DENND1B: variants seen among roughly 807,000 people sequenced by gnomAD.
DENND1B encodes the protein DENN domain containing 1B.
DENND1B carries 59 observed loss-of-function variants against 90.1 expected under a neutral mutation model. The observed-to-expected ratio is 0.65, with a 90% confidence interval of 0.53 to 0.81. The LOEUF is 0.81. Among genes scored for constraint, DENND1B ranks in the 40% least tolerant of loss-of-function variants. The pLI is 0.00. For synonymous variants in DENND1B, 337 were observed against 324.6 expected (o/e 1.04, Z -0.41); for missense variants, 862 against 912.6 (o/e 0.94, Z 0.71).
chr1:197,755,799 T>C (rs1654204204), intron 2 of DENND1B, among the ~76,000 whole-genome samples: 1 of 152,176 alleles, frequency 6.6e-6, no homozygotes, highest in Non-Finnish European at 1.5e-5. Flanking sequence ...AGCAAGCTTG[T>C]GCAGAGAACT....
chr1:197,526,234 G>A (rs989219258), intron 20 of DENND1B, among the ~76,000 whole-genome samples: 3 of 151,928 alleles, frequency 2.0e-5, no homozygotes, highest in Non-Finnish European at 4.4e-5. Flanking sequence ...AGAAAAGACT[G>A]GTTTTTCCTT....
chr1:197,634,992 G>A (rs540564522), intron 10 of DENND1B, among the ~76,000 whole-genome samples: 47 of 151,224 alleles, frequency 3.1e-4, no homozygotes, highest in Middle Eastern at 3.4e-3. Flanking sequence ...GCAACTCTGC[G>A]TGAAAAGGAA....
intron 3 of DENND1B, chr1:197,690,534 A>G: frequency 4.9e-6 from 1 of 205,396 alleles, no homozygotes; most frequent in East Asian, 1.4e-4. Context: ...TCATAATATG[A>G]GACAGACAGT....
intron 20 of DENND1B, among the ~76,000 whole-genome samples, chr1:197,529,240 A>G (rs1404727603): frequency 0.018 from 171 of 9,398 alleles, no homozygotes; most frequent in African/African-American, 0.035. Context: ...ATATATATAT[A>G]TATGTGTGTG....
rs370654267 is a variant in DENND1B at position 197,688,756 on chromosome 1, G to A, written c.127-14587C>T. ...ATGAAAACTACCCCTAAATCAAACC[G>A]AAAATGGGAAAGAAAAAGACTCATA... is the stretch of plus-strand genomic sequence containing the variant. On this transcript the variant is annotated intron_variant, in intron 3 of 22. Coordinates refer to ENST00000620048, the MANE Select transcript of DENND1B (RefSeq NM_001195215.2). 156 of 152,992 alleles carry A rather than the reference G, an allele frequency of 1.0e-3. 5 individuals are homozygous for A. In the South Asian group the frequency reaches 0.025, roughly 25 times the overall value. The allele number at this position is 152,992 out of a possible 1,614,324, so 9.5% of individuals were successfully genotyped here. A position where few individuals can be genotyped will look rare whatever the true frequency, so the allele number is the denominator to read the frequency against.
chr1:197,539,438 A>C (rs1233776625), intron 20 of DENND1B, among the ~76,000 whole-genome samples: 1 of 152,190 alleles, frequency 6.6e-6, no homozygotes, highest in African/African-American at 2.4e-5. Context: ...AACCAGGAAC[A>C]CTTATAGCTA....
At position 197,508,381 on chromosome 1, in the gene DENND1B, A is replaced by T. The variant is rs1452183317; in HGVS notation, c.*2079T>A. On this transcript the variant is annotated 3_prime_UTR_variant, in exon 23 of 23. Transcript: ENST00000620048. Reference sequence around the variant, plus strand: ...TCAGTAAAGTAAGTTGTAATTTTGTAATAAGCTTATAAAGGCAAAATTTGA... The same window carrying T: ...TCAGTAAAGTAAGTTGTAATTTTGTTATAAGCTTATAAAGGCAAAATTTGA... 1 of 151,740 alleles carries T rather than the reference A, an allele frequency of 6.6e-6. No individual in the cohort carries two copies. Among genetic ancestry groups the T allele is most frequent in the Non-Finnish European group, 1.5e-5 (1 of 67,812 alleles). The allele number at this position is 151,740 out of a possible 1,614,324, so 9.4% of individuals were successfully genotyped here.
intron 9 of DENND1B, among the ~76,000 whole-genome samples, chr1:197,644,480 G>A (rs187126014): frequency 3.3e-5 from 5 of 152,230 alleles, no homozygotes; most frequent in East Asian, 3.9e-4. Context: ...GAGAGTAGAC[G>A]GAAGCAAATT....
intron 5 of DENND1B, among the ~76,000 whole-genome samples, chr1:197,662,183 A>C (rs1311944442): frequency 3.3e-5 from 5 of 152,050 alleles, no homozygotes; most frequent in African/African-American, 4.8e-5. Flanking sequence ...GTCATCTCTA[A>C]GGCCCCAAAA....
intron 14 of DENND1B, among the ~76,000 whole-genome samples, chr1:197,588,369 T>C (rs986969208): frequency 2.6e-5 from 4 of 152,178 alleles, no homozygotes. Context: ...TAGAAAACTT[T>C]GTAAGAACAA....
intron 20 of DENND1B, among the ~76,000 whole-genome samples, chr1:197,529,222 ATATATATATATATATATATATGTGTGTG>A (rs1478986008): frequency 5.3e-5 from 1 of 18,820 alleles, no homozygotes; most frequent in African/African-American, 1.1e-4. Flanking sequence ...ATATATATAT[ATATATATATATATATATATATGTGTGTG>A]TGTGTGTGTG....
At position 197,540,948 on chromosome 1, in the gene DENND1B, A is replaced by G; in HGVS notation, c.1407+11T>C. The G allele has an allele frequency of 6.2e-7, 1 of 1,605,694 alleles. No individual in the cohort carries two copies. The highest frequency in any genetic ancestry group is 8.5e-7 in the Non-Finnish European group (1 of 1,176,362). ...ATCAAGGTAAAATGGAAAAAAATGA[A>G]TATGACATACCTTGTGTTTTAGTTT... is the stretch of plus-strand genomic sequence containing the variant. On this transcript the variant is annotated intron_variant, in intron 19 of 22. Transcript: ENST00000620048.
intron 15 of DENND1B, among the ~76,000 whole-genome samples, chr1:197,559,498 T>C (rs187189214): frequency 1.3e-5 from 2 of 152,000 alleles, no homozygotes; most frequent in Admixed American, 1.3e-4. Flanking sequence ...GGAGGAAACA[T>C]TACCATGGCT....
intron 15 of DENND1B, among the ~76,000 whole-genome samples, chr1:197,561,506 T>C (rs1423502234): frequency 6.6e-6 from 1 of 151,910 alleles, no homozygotes; most frequent in Non-Finnish European, 1.5e-5. Flanking sequence ...CTTTTTCCTT[T>C]GGTAATCTCA....
chr1:197,597,635 A>T (rs1015769516), intron 13 of DENND1B, among the ~76,000 whole-genome samples: 1 of 151,862 alleles, frequency 6.6e-6, no homozygotes, highest in Non-Finnish European at 1.5e-5. Context: ...CCTTGACTGC[A>T]TAATTGTTGC....
chr1:197,678,468 T>C (rs1339725012), intron 3 of DENND1B, among the ~76,000 whole-genome samples: 1 of 152,184 alleles, frequency 6.6e-6, no homozygotes, highest in Non-Finnish European at 1.5e-5. Context: ...GATTACTTAA[T>C]TTTGAATATT....
chr1:197,628,838 C>A (rs1344807647), intron 10 of DENND1B, among the ~76,000 whole-genome samples: 3 of 151,768 alleles, frequency 2.0e-5, no homozygotes, highest in East Asian at 1.9e-4. Context: ...AAGAAAAAAA[C>A]AAACAACCCC....
chr1:197,599,726 G>A (rs148611625), intron 13 of DENND1B, among the ~76,000 whole-genome samples: 12 of 151,684 alleles, frequency 7.9e-5, no homozygotes, highest in African/African-American at 2.9e-4. Flanking sequence ...GTCTCTATTC[G>A]AAGATTAAAA....
intron 16 of DENND1B, among the ~76,000 whole-genome samples, chr1:197,550,594 T>C (rs1391352843): frequency 1.3e-5 from 2 of 149,390 alleles, no homozygotes; most frequent in Middle Eastern, 3.2e-3. Context: ...TTCTCACTCA[T>C]AGGTGGGAAT....
Sources: allele counts gnomAD v4.1 joint callset (sites outside exome capture counted in the v4.1 genomes callset), GRCh38; gene constraint gnomAD v4.1.1; transcripts MANE v1.5; gene names NCBI Gene and HGNC (gene_info 2026-07-23, HGNC 2026-07-21).